Variants in CRY1 observed in about 807,000 individuals in gnomAD.
The protein encoded by CRY1 is cryptochrome-1.
Under a neutral mutation model 76.0 loss-of-function variants are expected in CRY1, and 45 were observed. That is an observed-to-expected ratio of 0.59 (90% CI 0.47 to 0.76). The LOEUF is 0.76. Among genes scored for constraint, CRY1 ranks in the 30% least tolerant of loss-of-function variants. The probability of loss-of-function intolerance (pLI) is 0.00; values close to 1 mark genes in which losing one functional copy is unlikely to be tolerated. For synonymous variants in CRY1, 248 were observed against 244.0 expected, an observed-to-expected ratio of 1.02 and a Z score of -0.15; for missense variants, 587 against 716.4, an observed-to-expected ratio of 0.82 and a Z score of 2.06.
rs931717093 is a variant in CRY1 at position 107,080,366 on chromosome 12, G to A, written c.158+12438C>T. Among the ~76,000 whole-genome samples, 11 of 152,008 alleles carry A rather than the reference G, an allele frequency of 7.2e-5. No individual in the cohort carries two copies. The East Asian group carries it at 1.3e-3, about 19-fold the overall frequency. On this transcript the variant is annotated intron_variant, in intron 1 of 12. Coordinates refer to ENST00000008527, the MANE Select transcript of CRY1 (RefSeq NM_004075.5). ...ATGATACATACAAACACACACACAC[G>A]TCCGGGGATCAGGAAAGAGATTTGC...
chr12:107,041,966 T>C (rs1003080873), intron 1 of CRY1, among the ~76,000 whole-genome samples: 4 of 152,168 alleles, frequency 2.6e-5, no homozygotes, highest in African/African-American at 9.7e-5. Context: ...GAGCATTTCA[T>C]AGTGTCAGAA....
chr12:107,061,783 A>G (rs1290329594), intron 1 of CRY1, among the ~76,000 whole-genome samples: 1 of 152,196 alleles, frequency 6.6e-6, no homozygotes, highest in Non-Finnish European at 1.5e-5. Flanking sequence ...CCACTAGCAT[A>G]TCATTAATTT....
intron 1 of CRY1, among the ~76,000 whole-genome samples, chr12:107,026,868 C>A (rs188690366): frequency 7.9e-4 from 120 of 151,046 alleles, no homozygotes; most frequent in Non-Finnish European, 1.3e-3. Flanking sequence ...TGGATGCCTA[C>A]ACCTGTATAC....
At chr12:107,005,303 A>G (rs1952360639) in intron 2 of CRY1, 55 bp from the exon 3 acceptor site, 2 of 1,520,034 alleles carry the variant, frequency 1.3e-6, no homozygotes, top group South Asian at 2.6e-5. Context: ...TATTTTTTCT[A>G]TTATAACGAA....
intron 1 of CRY1, among the ~76,000 whole-genome samples, chr12:107,032,668 G>C (rs955726606): frequency 2.0e-5 from 3 of 152,128 alleles, no homozygotes; most frequent in Non-Finnish European, 4.4e-5. Flanking sequence ...AATTAGTTGG[G>C]CATGATGGCA....
At chr12:107,060,318 C>A (rs1473091135) in intron 1 of CRY1, among the ~76,000 whole-genome samples, 1 of 152,170 alleles carries the variant, frequency 6.6e-6, no homozygotes, top group African/African-American at 2.4e-5. Flanking sequence ...GCCATTATCA[C>A]AGAAGTGGGT....
chr12:106,997,282 C>A lies in CRY1; in HGVS notation c.1585+12G>T, dbSNP rs757095094. 1.9e-6 allele frequency: 3 copies of A among 1,609,444 alleles called. No individual in the cohort carries two copies. In the South Asian group the frequency reaches 3.3e-5, roughly 18 times the overall value. On this transcript the variant is annotated intron_variant, in intron 10 of 12. Coordinates refer to ENST00000008527, the MANE Select transcript of CRY1 (RefSeq NM_004075.5). ...TCATGTTACTAAGTGCAGAAATTTC[C>A]TTTTCACTTACTTCCACTGCTGCTA...
rs1433079733 is a variant in CRY1 at position 107,026,911 on chromosome 12, T to C, written c.159-4719A>G. Reference sequence around the variant, plus strand: ...CTTTGAATTCACAACTTCATCTGAATGTGACTTTGAACTATGATTTGAAGG... The same window carrying C: ...CTTTGAATTCACAACTTCATCTGAACGTGACTTTGAACTATGATTTGAAGG... On this transcript the variant is annotated intron_variant, in intron 1 of 12. Transcript: ENST00000008527. Among the ~76,000 whole-genome samples the C allele has an allele frequency of 5.9e-5, 9 of 152,104 alleles. No homozygotes were observed. In the South Asian group the frequency reaches 6.2e-4, roughly 11 times the overall value.
At chr12:107,038,019 C>T (rs189140080) in intron 1 of CRY1, among the ~76,000 whole-genome samples, 234 of 152,254 alleles carry the variant, frequency 1.5e-3, no homozygotes, top group African/African-American at 5.2e-3. Context: ...CTGAATTTGC[C>T]TTTAAAAGGA....
intron 1 of CRY1, among the ~76,000 whole-genome samples, chr12:107,090,282 G>A (rs1011346933): frequency 7.9e-5 from 12 of 151,950 alleles, no homozygotes; most frequent in Non-Finnish European, 1.5e-4. Context: ...TACTAGAGAC[G>A]GGGTTTTGCC....
rs1277486044 is a variant in CRY1 at position 107,001,802 on chromosome 12, T to C, written c.557A>G (p.His186Arg). 3 of 1,578,992 alleles carry C rather than the reference T, an allele frequency of 1.9e-6. No individual in the cohort carries two copies. The highest frequency in any genetic ancestry group is 2.3e-5 in the East Asian group (1 of 43,312). ...EKCTTPLSDD[H>R]DEKYGVPSLE... is the part of the protein sequence containing the mutation. Reference sequence around the variant, plus strand: ...TGAAGGGACTCCATATTTCTCATCATGGTCATCAGACAGAGGAGTTGTGCA... The same window carrying C: ...TGAAGGGACTCCATATTTCTCATCACGGTCATCAGACAGAGGAGTTGTGCA... Residue 186 changes from histidine to arginine, a missense_variant, in exon 4 of 13, where the codon CAT becomes CGT. By Grantham distance (29) the His-to-Arg change is conservative. Coordinates refer to ENST00000008527, the MANE Select transcript of CRY1 (RefSeq NM_004075.5).
intron 1 of CRY1, among the ~76,000 whole-genome samples, chr12:107,060,548 A>G (rs1411435736): frequency 6.6e-6 from 1 of 152,236 alleles, no homozygotes; most frequent in Non-Finnish European, 1.5e-5. Context: ...AGACTAAGAT[A>G]GTATTATCTC....
At chr12:107,026,287 A>G (rs1952615287) in intron 1 of CRY1, among the ~76,000 whole-genome samples, 1 of 149,274 alleles carries the variant, frequency 6.7e-6, no homozygotes, top group South Asian at 2.1e-4. Context: ...GCTGGAGTGC[A>G]GTGGCACGAT....
chr12:107,031,534 C>A (rs1297640132), intron 1 of CRY1, among the ~76,000 whole-genome samples: 1 of 152,130 alleles, frequency 6.6e-6, no homozygotes, highest in African/African-American at 2.4e-5. Context: ...AACTTTACAG[C>A]AGTGAATACT....
intron 7 of CRY1, among the ~76,000 whole-genome samples, 157 bp from the exon 8 acceptor site, chr12:106,998,223 T>A (rs1017269950): frequency 1.3e-5 from 2 of 152,218 alleles, no homozygotes; most frequent in African/African-American, 4.8e-5. Context: ...TTCTGTTCTA[T>A]AATGAGCTCT....
At chr12:107,092,722 C>A (rs1369999064) in intron 1 of CRY1, 82 bp downstream of exon 1, 1 of 1,566,582 alleles carries the variant, frequency 6.4e-7, no homozygotes, top group Non-Finnish European at 8.7e-7. Context: ...TCTAAATTCA[C>A]AGATTTGGCG....
chr12:107,060,599 C>T (rs1953034331), intron 1 of CRY1, among the ~76,000 whole-genome samples: 3 of 152,196 alleles, frequency 2.0e-5, no homozygotes, highest in Non-Finnish European at 2.9e-5. Context: ...AGTTAAATAT[C>T]CTACCCAGGT....
intron 7 of CRY1, among the ~76,000 whole-genome samples, chr12:106,998,913 G>A (rs533881459): frequency 1.2e-4 from 18 of 151,814 alleles, no homozygotes; most frequent in African/African-American, 4.1e-4. Flanking sequence ...ACAGTGGTGG[G>A]CACCTGTAAT....
chr12:107,031,286 A>C (rs189830382), intron 1 of CRY1, among the ~76,000 whole-genome samples: 1 of 152,328 alleles, frequency 6.6e-6, no homozygotes, highest in Admixed American at 6.5e-5. Flanking sequence ...GATAAAGCCC[A>C]AGACCCACCC....
Sources: allele counts gnomAD v4.1 joint callset (sites outside exome capture counted in the v4.1 genomes callset), GRCh38; gene constraint gnomAD v4.1.1; transcripts MANE v1.5; gene names NCBI Gene and HGNC (gene_info 2026-07-23, HGNC 2026-07-21).